The following ELAVL1 variants were observed in gnomAD, a reference collection of about 807,000 sequenced individuals.
The protein encoded by ELAVL1 is ELAV-like protein 1.
In ELAVL1, 1 loss-of-function variant was observed where a neutral mutation model predicts 28.4. That is an observed-to-expected ratio of 0.04 (90% CI 0.01 to 0.17). The LOEUF (loss-of-function observed/expected upper bound fraction) is 0.17. Among genes scored for constraint, ELAVL1 ranks in the 10% least tolerant of loss-of-function variants. The pLI is 1.00. For missense variants in ELAVL1, 157 were observed against 447.2 expected (o/e 0.35, Z 5.85); for synonymous variants, 174 against 183.5 (o/e 0.95, Z 0.42).
chr19:7,964,943 G>C (rs746988659), intron 5 of ELAVL1, among the ~76,000 whole-genome samples: 1 of 152,198 alleles, frequency 6.6e-6, no homozygotes, highest in Non-Finnish European at 1.5e-5. Context: ...ATAAAACTGG[G>C]CTTCAGGCTA....
intron 5 of ELAVL1, among the ~76,000 whole-genome samples, chr19:7,964,557 A>T (rs1984902893): frequency 1.3e-5 from 2 of 152,178 alleles, no homozygotes; most frequent in African/African-American, 4.8e-5. Flanking sequence ...TTTCTGGGCC[A>T]GGCATGGTGG....
chr19:7,973,864 G>A lies in ELAVL1; in HGVS notation c.291C>T (p.Arg97=). The change falls in exon 4 of 6, where the codon CGC becomes CGT. Residue 97 remains arginine (R), a synonymous_variant. Transcript: ENST00000407627. ...CGTCTTTGATCACCTCTGAGCTCGG[G>A]CGAGCATACGACACCTTGGGAACAC... ...QSKTIKVSYA[R]PSSEVIKDAN... is the part of the protein sequence containing the mutation. The A allele has an allele frequency of 6.2e-7, 1 of 1,614,116 alleles. No individual in the cohort carries two copies.
chr19:8,004,697 T>G (rs1322158339), intron 1 of ELAVL1, among the ~76,000 whole-genome samples: 3 of 152,120 alleles, frequency 2.0e-5, no homozygotes, highest in Non-Finnish European at 4.4e-5. Context: ...ATGAACACTT[T>G]CTAGCAAGGG....
In ELAVL1 at chr19:7,981,203, G is replaced by A. The variant is rs1277225920; in HGVS notation, c.173-17C>T. The A allele has an allele frequency of 1.5e-5, 25 of 1,613,870 alleles. No homozygotes were observed. The highest frequency in any genetic ancestry group is 1.5e-5 in the Non-Finnish European group (18 of 1,179,740). On this transcript the variant is annotated splice_polypyrimidine_tract_variant and intron_variant, in intron 2 of 5. Transcript: ENST00000407627. This position sits in a 1 kb window ranked among gnomAD's most constrained non-coding sequence, Gnocchi z 4.2. ...AGCTGTGTCCTGTGCAAGAGAACAT[G>A]AAGACATTGGTAAGCCAACCGTCTG...
At chr19:8,004,402 T>C (rs1184011957) in intron 1 of ELAVL1, among the ~76,000 whole-genome samples, 2 of 152,214 alleles carry the variant, frequency 1.3e-5, no homozygotes, top group African/African-American at 2.4e-5. Context: ...GGTTCTCACC[T>C]GTGCGTGTGA....
intron 2 of ELAVL1, among the ~76,000 whole-genome samples, chr19:7,987,061 G>C (rs1229685828): frequency 7.2e-6 from 1 of 139,412 alleles, no homozygotes; most frequent in Non-Finnish European, 1.5e-5. Context: ...CCTGCAGAGG[G>C]AACAGTGTTC....
At chr19:7,970,857 C>T (rs1272412202) in intron 4 of ELAVL1, among the ~76,000 whole-genome samples, 3 of 152,160 alleles carry the variant, frequency 2.0e-5, no homozygotes, top group Non-Finnish European at 4.4e-5. Flanking sequence ...CCACCGCGCC[C>T]GGCCATCCTC....
At chr19:8,003,130 G>C (rs566008415) in intron 1 of ELAVL1, among the ~76,000 whole-genome samples, 4 of 151,660 alleles carry the variant, frequency 2.6e-5, no homozygotes, top group Non-Finnish European at 5.9e-5. Context: ...GCTCACACCT[G>C]TAATCCCAGG....
chr19:7,983,843 C>T (rs1985529650), intron 2 of ELAVL1, among the ~76,000 whole-genome samples: 1 of 152,090 alleles, frequency 6.6e-6, no homozygotes, highest in Non-Finnish European at 1.5e-5. Flanking sequence ...CCTGACTGGT[C>T]CCCTAGGATG....
At chr19:7,964,471 G>A (rs544721662) in intron 5 of ELAVL1, among the ~76,000 whole-genome samples, 12 of 152,166 alleles carry the variant, frequency 7.9e-5, no homozygotes, top group South Asian at 6.2e-4. Context: ...CACCAGCAAC[G>A]GCAGGCTCAC....
intron 5 of ELAVL1, among the ~76,000 whole-genome samples, chr19:7,965,133 CAGTATGGTCTCAAACTCT>C (rs2145199479): frequency 6.6e-6 from 1 of 152,332 alleles, no homozygotes; most frequent in Non-Finnish European, 1.5e-5. Flanking sequence ...CTATGTTGTC[CAGTATGGTCTCAAACTCT>C]TAGGCTCAAG....
intron 5 of ELAVL1, among the ~76,000 whole-genome samples, chr19:7,964,987 C>G (rs567774426): frequency 6.6e-6 from 1 of 152,330 alleles, no homozygotes; most frequent in South Asian, 2.1e-4. Flanking sequence ...CCTGCAGGCC[C>G]CAGCCGGGGT....
At chr19:8,004,007 C>A (rs1349791637) in intron 1 of ELAVL1, among the ~76,000 whole-genome samples, 1 of 152,168 alleles carries the variant, frequency 6.6e-6, no homozygotes, top group Non-Finnish European at 1.5e-5. Context: ...CAAACCCTGG[C>A]GCAGCCACTT....
chr19:7,980,970 G>T, intron 3 of ELAVL1, 113 bp downstream of exon 3: 3 of 1,048,500 alleles, frequency 2.9e-6, no homozygotes, highest in South Asian at 1.3e-5. Context: ...GGGAGCCCCC[G>T]AGGAGCGGCT....
chr19:7,963,899 G>T lies in ELAVL1; in HGVS notation c.657-92C>A. 6.4e-6 allele frequency: 9 copies of T among 1,408,962 alleles called. No homozygotes were observed. The highest frequency in any genetic ancestry group is 6.7e-6 in the Non-Finnish European group (7 of 1,047,242). 87.3% of individuals were successfully genotyped at this position (1,408,962 alleles called of 1,614,324 possible). A position where few individuals can be genotyped will look rare whatever the true frequency, so the allele number is the denominator to read the frequency against. Reference sequence around the variant, plus strand: ...GGACGCATGCTGACCATGGCCGCTGGGCCCCATCCCGCTCTGCGCAGCCAC... The same window carrying T: ...GGACGCATGCTGACCATGGCCGCTGTGCCCCATCCCGCTCTGCGCAGCCAC... On this transcript the variant is annotated intron_variant, in intron 5 of 5. Transcript: ENST00000407627. This position sits in a 1 kb window ranked among gnomAD's most constrained non-coding sequence, Gnocchi z 4.5.
In ELAVL1 at chr19:7,971,161, A is replaced by AT. The variant is rs539690622; in HGVS notation, c.430+2563dup. Among the ~76,000 whole-genome samples the AT allele has an allele frequency of 3.3e-5, 5 of 152,316 alleles. No individual in the cohort carries two copies. In the South Asian group the frequency reaches 1.0e-3, roughly 32 times the overall value. ...TGCCCCCAACACCCTGGGAGACACT[A>AT]TCTTGCAGAGGGAAAGGAAGCAATG... On this transcript the variant is annotated intron_variant, in intron 4 of 5. Coordinates refer to ENST00000407627, the MANE Select transcript of ELAVL1 (RefSeq NM_001419.3).
chr19:7,997,498 G>A (rs1412552673), intron 1 of ELAVL1, among the ~76,000 whole-genome samples: 4 of 152,164 alleles, frequency 2.6e-5, no homozygotes, highest in African/African-American at 2.4e-5. Flanking sequence ...GGGAAAAGTC[G>A]ATTACACAGG....
Position 7,963,288 on chromosome 19 carries a change from T to C in ELAVL1, c.*195A>G. 1.6e-6 allele frequency: 1 copy of C among 625,658 alleles called. No homozygotes were observed. The highest frequency in any genetic ancestry group is 2.7e-6 in the Non-Finnish European group (1 of 370,306). The allele number at this position is 625,658 out of a possible 1,614,324, so 38.8% of individuals were successfully genotyped here. ...GGAAATAACTTACGAAACTTAAGATTGGTCTAACATTGTGGGATTTCAAAC... is the reference window on the plus strand; with the variant it reads ...GGAAATAACTTACGAAACTTAAGATCGGTCTAACATTGTGGGATTTCAAAC... On this transcript the variant is annotated 3_prime_UTR_variant, in exon 6 of 6. Transcript: ENST00000407627. The surrounding 1 kb of genome is among the most constrained non-coding windows in gnomAD (Gnocchi z 4.5).
chr19:7,978,775 G>C (rs866683225), intron 3 of ELAVL1, among the ~76,000 whole-genome samples: 1 of 152,176 alleles, frequency 6.6e-6, no homozygotes, highest in Non-Finnish European at 1.5e-5. Flanking sequence ...TGGCATCTGA[G>C]GTGAGGGCGG....
Sources: gnomAD v4.1 joint callset for allele counts (sites outside exome capture counted in the v4.1 genomes callset) on GRCh38, gnomAD v4.1.1 for gene constraint, Gnocchi (gnomAD v3.1) non-coding constraint, MANE v1.5 for transcripts, NCBI Gene and HGNC (gene_info 2026-07-23, HGNC 2026-07-21) for gene names.